Variants in WDR49 observed in about 807,000 individuals in gnomAD.
The protein encoded by WDR49 is cilia- and flagella-associated protein 337.
Under a neutral mutation model 119.5 loss-of-function variants are expected in WDR49, and 107 were observed. The observed-to-expected ratio is 0.90, with a 90% CI of 0.77 to 1.05. WDR49 has a LOEUF of 1.05. Among genes scored for constraint, WDR49 ranks in the 50% least tolerant of loss-of-function variants. WDR49 has a pLI of 0.00. For synonymous variants in WDR49, 425 were observed against 418.8 expected (o/e 1.01, Z -0.18); for missense variants, 1,240 against 1,220.5 (o/e 1.02, Z -0.24).
At chr3:167,569,555 G>A (rs936656591) in intron 8 of WDR49, among the ~76,000 whole-genome samples, 1 of 151,734 alleles carries the variant, frequency 6.6e-6, no homozygotes, top group African/African-American at 2.4e-5. Flanking sequence ...ATGTGGAGCT[G>A]GGCACAGTGC....
upstream of WDR49, among the ~76,000 whole-genome samples, chr3:167,655,401 C>G (rs1718567668): frequency 6.6e-6 from 1 of 152,136 alleles, no homozygotes; most frequent in African/African-American, 2.4e-5. Flanking sequence ...CTTCTGTAAA[C>G]TAAAAAGTTG....
intron 10 of WDR49, among the ~76,000 whole-genome samples, chr3:167,553,675 G>A (rs529950031): frequency 6.6e-5 from 10 of 152,224 alleles, no homozygotes; most frequent in Admixed American, 2.0e-4. Flanking sequence ...TGGAGTGGTT[G>A]TGGGTTGATA....
intron 4 of WDR49, 21 bp downstream of exon 4, chr3:167,621,446 T>C: frequency 6.7e-7 from 1 of 1,502,138 alleles, no homozygotes; most frequent in Non-Finnish European, 8.9e-7. Context: ...TAGTATTCAA[T>C]CTTAATCTAC....
intron 10 of WDR49, among the ~76,000 whole-genome samples, chr3:167,544,985 C>A (rs1409585210): frequency 1.3e-5 from 2 of 151,578 alleles, no homozygotes. Context: ...AGAACTCAAA[C>A]AAATCAGCAA....
chr3:167,510,345 T>G (rs1751922435), intron 16 of WDR49, among the ~76,000 whole-genome samples: 1 of 152,186 alleles, frequency 6.6e-6, no homozygotes. Flanking sequence ...TTTTCCTAGG[T>G]TAGATAATTT....
At chr3:167,584,962 A>C (rs1438268654) in intron 7 of WDR49, among the ~76,000 whole-genome samples, 4 of 151,914 alleles carry the variant, frequency 2.6e-5, no homozygotes, top group African/African-American at 9.7e-5. Flanking sequence ...AACATTTTTT[A>C]TTATCTTTTC....
In WDR49 at chr3:167,588,012, C is replaced by T. The variant is rs186043387; in HGVS notation, c.1276-11861G>A. On this transcript the variant is annotated intron_variant, in intron 7 of 18. Transcript: ENST00000682715. Reference sequence around the variant, plus strand: ...CAATTAAACTATTTTTTACTATAGTCACTCTGTTGTGCTAGCAAATACTAG... The same window carrying T: ...CAATTAAACTATTTTTTACTATAGTTACTCTGTTGTGCTAGCAAATACTAG... 2.2e-4 allele frequency among the ~76,000 whole-genome samples: 33 copies of T among 152,152 alleles called. No individual in the cohort carries two copies. The East Asian group carries it at 6.4e-3, about 29-fold the overall frequency.
At chr3:167,575,843 T>C (rs1225720946) in intron 8 of WDR49, 75 bp downstream of exon 8, 3 of 1,469,046 alleles carry the variant, frequency 2.0e-6, no homozygotes, top group African/African-American at 2.8e-5. Context: ...CATTTTACCT[T>C]AAACTGAATT....
intron 16 of WDR49, among the ~76,000 whole-genome samples, chr3:167,515,263 G>A (rs542855198): frequency 6.6e-6 from 1 of 152,230 alleles, no homozygotes; most frequent in East Asian, 1.9e-4. Flanking sequence ...ACCAAATTCT[G>A]CAGCACATCA....
chr3:167,638,938 G>A (rs1717745882), intron 2 of WDR49, among the ~76,000 whole-genome samples: 1 of 151,540 alleles, frequency 6.6e-6, no homozygotes, highest in African/African-American at 2.4e-5. Context: ...AATTGAAGCT[G>A]AAGTGGGCAA....
At chr3:167,619,291 A>G (rs1367216486) in intron 5 of WDR49, among the ~76,000 whole-genome samples, 2 of 152,162 alleles carry the variant, frequency 1.3e-5, no homozygotes, top group African/African-American at 4.8e-5. Flanking sequence ...AAATACCTCC[A>G]TTCTGTATAT....
rs536201540 is a variant in WDR49, at chr3:167,601,558, T to C, written c.1275+569A>G. 2.0e-5 allele frequency among the ~76,000 whole-genome samples: 3 copies of C among 152,240 alleles called. No individual in the cohort carries two copies. In the East Asian group the frequency reaches 5.8e-4, roughly 29 times the overall value. On this transcript the variant is annotated intron_variant, in intron 7 of 18. Coordinates refer to ENST00000682715, the MANE Select transcript of WDR49 (RefSeq NM_001366157.1). ...AATTTGCCTAAGTGGATATAAGTAA[T>C]AAATAGTGTTGTCAGGATTCAACCT...
chr3:167,640,810 G>A (rs898675450), intron 2 of WDR49, among the ~76,000 whole-genome samples: 19 of 151,640 alleles, frequency 1.3e-4, no homozygotes, highest in Admixed American at 1.3e-4. Context: ...ATGGGAGGTG[G>A]AAAGGATGGG....
intron 3 of WDR49, among the ~76,000 whole-genome samples, chr3:167,625,939 A>G (rs1478852204): frequency 6.6e-6 from 1 of 151,720 alleles, no homozygotes. Flanking sequence ...AAAAAAAAAA[A>G]TTAGGAACAA....
chr3:167,554,536 A>G, intron 10 of WDR49, 114 bp downstream of exon 10: 2 of 557,820 alleles, frequency 3.6e-6, no homozygotes, highest in Non-Finnish European at 6.1e-6. Flanking sequence ...AATTCCAACT[A>G]GGGTATCACT....
chr3:167,495,912 A>G (rs1751338953), intron 18 of WDR49, among the ~76,000 whole-genome samples: 1 of 149,180 alleles, frequency 6.7e-6, no homozygotes, highest in African/African-American at 2.5e-5. Flanking sequence ...AAAAAGCAAC[A>G]AAACAACCCT....
chr3:167,624,547 A>AT (rs1040782011), intron 3 of WDR49, among the ~76,000 whole-genome samples: 85 of 152,046 alleles, frequency 5.6e-4, no homozygotes, highest in African/African-American at 2.0e-3. Context: ...TGTACTTTTG[A>AT]TTTTTCACAG....
intron 2 of WDR49, among the ~76,000 whole-genome samples, chr3:167,637,472 G>C (rs1405639662): frequency 6.6e-6 from 1 of 151,746 alleles, no homozygotes; most frequent in Non-Finnish European, 1.5e-5. Flanking sequence ...CTTTGGCTAT[G>C]TGGGCTCTTT....
intron 18 of WDR49, among the ~76,000 whole-genome samples, chr3:167,483,024 G>C (rs957602166): frequency 2.0e-5 from 3 of 152,128 alleles, no homozygotes; most frequent in African/African-American, 4.8e-5. Context: ...GTGGTAGAAG[G>C]GGGGTAGGAG....
Sources: gnomAD v4.1 joint callset for allele counts (sites outside exome capture counted in the v4.1 genomes callset) on GRCh38, gnomAD v4.1.1 for gene constraint, MANE v1.5 for transcripts, NCBI Gene and HGNC (gene_info 2026-07-23, HGNC 2026-07-21) for gene names.